The following DMD variants were observed in gnomAD, a reference collection of about 807,000 sequenced individuals.
DMD encodes mutant dystrophin.
A neutral mutation model predicts 330.1 loss-of-function variants in DMD; 63 were observed. That is an observed-to-expected ratio of 0.19 (90% confidence interval 0.16 to 0.24). The LOEUF (loss-of-function observed/expected upper bound fraction) is 0.24. Ranked by LOEUF, DMD falls within the 10% of genes least tolerant of loss-of-function variation. The pLI is 1.00. For synonymous variants in DMD, 1,223 were observed against 959.8 expected, an observed-to-expected ratio of 1.27 and a Z score of -5.07; for missense variants, 3,344 against 2,684.1, an observed-to-expected ratio of 1.25 and a Z score of -5.43.
At chrX:31,203,352 T>C (rs1602663360) in intron 67 of DMD, among the ~76,000 whole-genome samples, 1 of 96,456 alleles carries the variant, frequency 1.0e-5, no homozygotes, top group Non-Finnish European at 2.1e-5. Context: ...ACCAGTGGAG[T>C]GCTCAGGCAT....
intron 74 of DMD, among the ~76,000 whole-genome samples, chrX:31,160,738 A>G (rs909718393): frequency 9.0e-6 from 1 of 111,663 alleles, no homozygotes; most frequent in East Asian, 2.8e-4. Flanking sequence ...AGAGTATCTC[A>G]GTGGTATTCT....
chrX:32,140,296 C>G (rs2096746349), intron 44 of DMD, among the ~76,000 whole-genome samples: 1 of 112,046 alleles, frequency 8.9e-6, no homozygotes, highest in South Asian at 3.7e-4. Context: ...TGAATTATAA[C>G]ATATTGATTT....
chrX:32,403,747 C>G (rs1445494161), intron 30 of DMD, among the ~76,000 whole-genome samples: 1 of 111,984 alleles, frequency 8.9e-6, no homozygotes, highest in Non-Finnish European at 1.9e-5. Context: ...GGTTTACCAT[C>G]TACTGGGCTG....
At chrX:32,679,249 T>A (rs765859311) in intron 9 of DMD, among the ~76,000 whole-genome samples, 13 of 111,308 alleles carry the variant, frequency 1.2e-4, no homozygotes, top group African/African-American at 3.9e-4. Context: ...ACAGGGGAAG[T>A]TAATAGAAGG....
intron 42 of DMD, among the ~76,000 whole-genome samples, chrX:32,292,796 C>T (rs1404468928): frequency 8.9e-6 from 1 of 111,896 alleles, no homozygotes; most frequent in Non-Finnish European, 1.9e-5. Context: ...TTGTGGTCCA[C>T]GAGGACTTGC....
chrX:32,450,336 A>C (rs2098324890), intron 26 of DMD, among the ~76,000 whole-genome samples: 1 of 111,287 alleles, frequency 9.0e-6, no homozygotes, highest in Non-Finnish European at 1.9e-5. Flanking sequence ...TATGTCAGAA[A>C]ATGCAAATTG....
At chrX:31,760,558 G>T (rs1241125542) in intron 51 of DMD, among the ~76,000 whole-genome samples, 1 of 111,800 alleles carries the variant, frequency 8.9e-6, no homozygotes, top group Admixed American at 9.5e-5. Flanking sequence ...TATAGCCTAG[G>T]AGCAATAGGC....
chrX:31,597,765 G>A (rs2077172645), intron 55 of DMD, among the ~76,000 whole-genome samples: 1 of 111,867 alleles, frequency 8.9e-6, no homozygotes, highest in African/African-American at 3.3e-5. Context: ...TACCACTATT[G>A]TTAGTATTAA....
chrX:31,351,901 C>T (rs1459211654), intron 60 of DMD, among the ~76,000 whole-genome samples: 1 of 107,629 alleles, frequency 9.3e-6, no homozygotes, highest in Non-Finnish European at 1.9e-5. Flanking sequence ...TTCCCCCCGA[C>T]TTCATTGACA....
chrX:32,343,085 A>G (rs1445978778), intron 40 of DMD, 49 bp downstream of exon 40: 1 of 1,118,962 alleles, frequency 8.9e-7, no homozygotes, highest in African/African-American at 1.8e-5. Context: ...TCACAGGTTA[A>G]TTAAACTGTA....
At chrX:33,314,570 G>GTTTTTTTTTTTTT (rs1170142842) in intron 1 of DMD, among the ~76,000 whole-genome samples, 37 of 78,976 alleles carry the variant, frequency 4.7e-4, no homozygotes, top group Non-Finnish European at 6.2e-4. Flanking sequence ...TTTTTTTTTT[G>GTTTTTTTTTTTTT]TTTTTTTTTT....
At chrX:32,682,272 G>A (rs1602947306) in intron 9 of DMD, among the ~76,000 whole-genome samples, 1 of 111,397 alleles carries the variant, frequency 9.0e-6, no homozygotes, top group Non-Finnish European at 1.9e-5. Flanking sequence ...AAGACCCATC[G>A]ATTAGAATTA....
chrX:33,260,984 T>C (rs975383931), intron 1 of DMD, among the ~76,000 whole-genome samples: 1 of 111,291 alleles, frequency 9.0e-6, no homozygotes, highest in African/African-American at 3.3e-5. Flanking sequence ...GTCCTAATTC[T>C]CAAGAACCTG....
At chrX:33,274,279 A>T (rs1369621943) in intron 1 of DMD, among the ~76,000 whole-genome samples, 2 of 111,914 alleles carry the variant, frequency 1.8e-5, no homozygotes, top group African/African-American at 6.5e-5. Context: ...CAGTGATATT[A>T]GCCACTACCA....
chrX:33,337,812 G>T (rs1039510924), intron 1 of DMD, among the ~76,000 whole-genome samples: 1 of 111,476 alleles, frequency 9.0e-6, no homozygotes, highest in African/African-American at 3.3e-5. Context: ...GAAAACCATG[G>T]ACTAACATTC....
At chrX:32,872,475 G>A (rs1023296313) in intron 2 of DMD, among the ~76,000 whole-genome samples, 5 of 112,145 alleles carry the variant, frequency 4.5e-5, no homozygotes, top group African/African-American at 9.7e-5. Flanking sequence ...AGGTTAGATT[G>A]AATAATGATT....
intron 44 of DMD, among the ~76,000 whole-genome samples, chrX:32,196,780 T>C (rs1871670984): frequency 9.1e-6 from 1 of 109,489 alleles, no homozygotes; most frequent in Admixed American, 9.7e-5. Flanking sequence ...GGTCAGGAGA[T>C]CGAGACCATC....
At chrX:32,637,696 C>T (rs2059192241) in intron 11 of DMD, among the ~76,000 whole-genome samples, 1 of 111,430 alleles carries the variant, frequency 9.0e-6, no homozygotes, top group South Asian at 3.8e-4. Flanking sequence ...ACATGTCCTT[C>T]TTCACATGGC....
At position 32,393,661 on chromosome X, in the gene DMD, C is replaced by A. The variant is rs958968559; in HGVS notation, c.4234-3480G>T. Among the ~76,000 whole-genome samples the A allele has an allele frequency of 2.7e-5, 3 of 110,164 alleles. No individual in the cohort carries two copies. In the South Asian group the frequency reaches 1.1e-3, roughly 42 times the overall value. Reference sequence around the variant, plus strand: ...TATGTATTTTTTCAGTGTTTTCAAGCGTTAGAGGAAAGCAGAAAGAGAGAA... The same window carrying A: ...TATGTATTTTTTCAGTGTTTTCAAGAGTTAGAGGAAAGCAGAAAGAGAGAA... On this transcript the variant is annotated intron_variant, in intron 30 of 78. Transcript: ENST00000357033.
Sources: gnomAD v4.1 joint callset for allele counts (sites outside exome capture counted in the v4.1 genomes callset) on GRCh38, gnomAD v4.1.1 for gene constraint, MANE v1.5 for transcripts, NCBI Gene and HGNC (gene_info 2026-07-23, HGNC 2026-07-21) for gene names.